UQCRC2: variants seen among roughly 807,000 people sequenced by gnomAD.
UQCRC2 encodes the protein cytochrome b-c1 complex subunit 2, mitochondrial.
Under a neutral mutation model 55.6 loss-of-function variants are expected in UQCRC2, and 49 were observed. That is an observed-to-expected ratio of 0.88 (90% CI 0.70 to 1.12). The LOEUF is 1.12. UQCRC2 is among the 50% of genes most tolerant of loss of function. UQCRC2 has a pLI of 0.00. For synonymous variants in UQCRC2, 193 were observed against 192.0 expected (o/e 1.01, Z -0.04); for missense variants, 506 against 547.8 (o/e 0.92, Z 0.76).
intron 8 of UQCRC2, 98 bp downstream of exon 8, chr16:21,968,783 C>G: frequency 9.4e-7 from 1 of 1,065,334 alleles, no homozygotes; most frequent in Non-Finnish European, 1.3e-6. Flanking sequence ...AATTTGAAAA[C>G]TTCGGCCTTC....
chr16:21,960,216 G>A (rs1003690843), intron 4 of UQCRC2, among the ~76,000 whole-genome samples: 1 of 152,158 alleles, frequency 6.6e-6, no homozygotes, highest in Non-Finnish European at 1.5e-5. Flanking sequence ...CACCTTCATC[G>A]ATGATCTTAT....
intron 9 of UQCRC2, 94 bp from the exon 10 acceptor site, chr16:21,971,829 G>T: frequency 1.3e-6 from 2 of 1,553,454 alleles, no homozygotes; most frequent in Non-Finnish European, 1.8e-6. Context: ...GAAAAGACTC[G>T]TGGGTTAATA....
At chr16:21,980,431 C>G in intron 12 of UQCRC2, 116 bp from the exon 13 acceptor site, 2 of 1,069,708 alleles carry the variant, frequency 1.9e-6, no homozygotes, top group Middle Eastern at 3.2e-4. Flanking sequence ...GAGGGAGACA[C>G]GCTGTTACTC....
At chr16:21,953,542 C>T (rs1219286419) in intron 1 of UQCRC2, 86 bp downstream of exon 1, 8 of 1,524,316 alleles carry the variant, frequency 5.2e-6, no homozygotes, top group Non-Finnish European at 7.1e-6. Flanking sequence ...GGTCTGGGGT[C>T]TGGGCCTTGG....
chr16:21,981,543 C>G (rs561121724), intron 13 of UQCRC2, among the ~76,000 whole-genome samples: 1 of 151,936 alleles, frequency 6.6e-6, no homozygotes, highest in Admixed American at 6.6e-5. Context: ...TGCTTGAGCC[C>G]AGGAGTTCAA....
chr16:21,954,043 C>T (rs1478832310), intron 1 of UQCRC2, among the ~76,000 whole-genome samples: 1 of 152,092 alleles, frequency 6.6e-6, no homozygotes, highest in Non-Finnish European at 1.5e-5. Context: ...ATTAAGTTTC[C>T]CCTTCAAGCC....
intron 8 of UQCRC2, 97 bp downstream of exon 8, chr16:21,968,782 A>T: frequency 1.8e-6 from 2 of 1,094,512 alleles, no homozygotes; most frequent in Non-Finnish European, 2.5e-6. Context: ...AAATTTGAAA[A>T]CTTCGGCCTT....
rs559074663 is a variant in UQCRC2, at chr16:21,981,756, C to G, written c.1278+1056C>G. Among the ~76,000 whole-genome samples, 6 of 152,082 alleles carry G rather than the reference C, an allele frequency of 3.9e-5. No homozygotes were observed. The South Asian group carries it at 1.2e-3, about 32-fold the overall frequency. On this transcript the variant is annotated intron_variant, in intron 13 of 13. Transcript: ENST00000268379. ...CCAGGCTGGGCAACAGAGTGAGACCCTGTCTCAAATAAAAAAGAGACAAGG... is the reference window on the plus strand; with the variant it reads ...CCAGGCTGGGCAACAGAGTGAGACCGTGTCTCAAATAAAAAAGAGACAAGG...
In UQCRC2 at chr16:21,976,201, T is replaced by C. The variant is rs1231872001; in HGVS notation, c.1082T>C (p.Ile361Thr). 6.2e-7 allele frequency: 1 copy of C among 1,614,024 alleles called. No individual in the cohort carries two copies. Among genetic ancestry groups the C allele is most frequent in the Non-Finnish European group, 8.5e-7 (1 of 1,179,916 alleles). Residue 361 changes from isoleucine (I) to threonine (T), a missense_variant, in exon 12 of 14, where the codon ATA becomes ACA. By Grantham distance (89) the Ile-to-Thr change is moderately conservative. Transcript: ENST00000268379. ...GCTGCCTATAATCAAGTAAAAACAA[T>C]AGCTCAAGGAAACCTTTCCAACACA... is the stretch of plus-strand genomic sequence containing the variant. ...IKAAYNQVKT[I>T]AQGNLSNTDV...
At chr16:21,961,626 TTA>T (rs67999727) in intron 4 of UQCRC2, among the ~76,000 whole-genome samples, 1,247 of 64,134 alleles carry the variant, frequency 0.019, 19 homozygotes, top group East Asian at 0.043. Flanking sequence ...AACATAAAAT[TTA>T]TATATATATA....
At chr16:21,977,982 T>C (rs935851146) in intron 12 of UQCRC2, among the ~76,000 whole-genome samples, 3 of 152,214 alleles carry the variant, frequency 2.0e-5, no homozygotes, top group South Asian at 2.1e-4. Context: ...TGAGAATACA[T>C]TGAAACACTG....
intron 8 of UQCRC2, among the ~76,000 whole-genome samples, chr16:21,970,572 T>C (rs1464823241): frequency 6.6e-6 from 1 of 152,204 alleles, no homozygotes; most frequent in African/African-American, 2.4e-5. Context: ...TTTTGTCCAT[T>C]TGTATAACTT....
chr16:21,967,500 G>A (rs35987289), intron 7 of UQCRC2, among the ~76,000 whole-genome samples: 13,292 of 151,660 alleles, frequency 0.088, 811 homozygotes, highest in South Asian at 0.27. Flanking sequence ...TAGCATTTCT[G>A]TTGAAAGTAC....
At chr16:21,982,001 C>T (rs990928543) in intron 13 of UQCRC2, among the ~76,000 whole-genome samples, 1 of 151,450 alleles carries the variant, frequency 6.6e-6, no homozygotes, top group Non-Finnish European at 1.5e-5. Flanking sequence ...CCACCACGGC[C>T]GGCTAATTTT....
intron 4 of UQCRC2, chr16:21,961,411 C>G: frequency 2.8e-6 from 1 of 352,778 alleles, no homozygotes; most frequent in South Asian, 2.1e-5. Context: ...GTCAACATAG[C>G]ACAACTGAAG....
chr16:21,954,482 C>G (rs924847530), intron 1 of UQCRC2, among the ~76,000 whole-genome samples: 9 of 152,154 alleles, frequency 5.9e-5, no homozygotes, highest in African/African-American at 2.2e-4. Flanking sequence ...AGTGATTACC[C>G]TTGGAGGGAA....
chr16:21,964,534 A>G (rs1287813276), intron 6 of UQCRC2, among the ~76,000 whole-genome samples: 6 of 152,046 alleles, frequency 3.9e-5, no homozygotes, highest in Admixed American at 2.0e-4. Flanking sequence ...TCCAGCTGCA[A>G]TTCCCATTTG....
intron 4 of UQCRC2, 164 bp from the exon 5 acceptor site, chr16:21,962,296 T>A: frequency 2.6e-6 from 2 of 755,530 alleles, no homozygotes; most frequent in Non-Finnish European, 2.1e-6. Context: ...TTTAAAAAAA[T>A]TTTGAATTTT....
At chr16:21,973,873 A>G (rs1898520226) in intron 10 of UQCRC2, 23 bp from the exon 11 acceptor site, 2 of 1,607,902 alleles carry the variant, frequency 1.2e-6, no homozygotes, top group African/African-American at 1.3e-5. Flanking sequence ...AATATCATAC[A>G]GTAAAGTCTC....
Sources: gnomAD v4.1 joint callset for allele counts (sites outside exome capture counted in the v4.1 genomes callset) on GRCh38, gnomAD v4.1.1 for gene constraint, MANE v1.5 for transcripts, NCBI Gene and HGNC (gene_info 2026-07-23, HGNC 2026-07-21) for gene names.